Variants in TNNI3K observed in about 807,000 individuals in gnomAD.
TNNI3K encodes the protein TNNI3 interacting kinase.
In TNNI3K, 140 loss-of-function variants were observed where a neutral mutation model predicts 114.5. The observed-to-expected ratio is 1.22, with a 90% CI of 1.07 to 1.41. The LOEUF (loss-of-function observed/expected upper bound fraction) is 1.41. Ranked by LOEUF, TNNI3K falls within the 40% of genes most tolerant of loss-of-function variation. The pLI, the probability that TNNI3K is intolerant of heterozygous loss-of-function variation, is 0.00. For synonymous variants in TNNI3K, 347 were observed against 347.5 expected (o/e 1.00, Z 0.02); for missense variants, 1,125 against 1,007.6 (o/e 1.12, Z -1.58).
intron 23 of TNNI3K, among the ~76,000 whole-genome samples, chr1:74,509,419 T>G (rs1399416452): frequency 5.9e-5 from 9 of 152,192 alleles, no homozygotes; most frequent in Admixed American, 5.9e-4. Context: ...TACATAACAA[T>G]AGAAAAGATT....
chr1:74,536,121 C>G (rs1223859038), intron 23 of TNNI3K, among the ~76,000 whole-genome samples: 1 of 152,122 alleles, frequency 6.6e-6, no homozygotes, highest in Non-Finnish European at 1.5e-5. Context: ...AGTTTGTAGG[C>G]TGTCTTACTC....
intron 23 of TNNI3K, among the ~76,000 whole-genome samples, chr1:74,503,524 A>G (rs185289312): frequency 5.3e-5 from 8 of 152,118 alleles, no homozygotes; most frequent in Non-Finnish European, 7.3e-5. Context: ...AGTTCTATGG[A>G]TCTTGTATGT....
At chr1:74,426,109 G>A (rs1665628236) in intron 17 of TNNI3K, among the ~76,000 whole-genome samples, 1 of 152,106 alleles carries the variant, frequency 6.6e-6, no homozygotes, top group Non-Finnish European at 1.5e-5. Context: ...CAGAGACATG[G>A]GCATTTAGTT....
intron 5 of TNNI3K, among the ~76,000 whole-genome samples, chr1:74,275,699 G>C (rs1656641665): frequency 6.6e-6 from 1 of 152,104 alleles, no homozygotes; most frequent in Non-Finnish European, 1.5e-5. Context: ...ATTGTGAAGA[G>C]TCCCTCTAGG....
At chr1:74,488,409 C>G (rs1216891190) in intron 21 of TNNI3K, among the ~76,000 whole-genome samples, 1 of 152,070 alleles carries the variant, frequency 6.6e-6, no homozygotes, top group East Asian at 1.9e-4. Flanking sequence ...GGTTACTGAA[C>G]CTGAATGTTA....
chr1:74,403,157 A>T (rs947435867), intron 17 of TNNI3K, among the ~76,000 whole-genome samples: 4 of 152,198 alleles, frequency 2.6e-5, no homozygotes, highest in Non-Finnish European at 5.9e-5. Context: ...TCCAAAGAGA[A>T]AAAGTGACCC....
rs142099043 is a variant in TNNI3K, at chr1:74,529,617, T to C, written c.2352-10617T>C. Among the ~76,000 whole-genome samples, 409 of 152,360 alleles carry C rather than the reference T, an allele frequency of 2.7e-3. 4 individuals are homozygous for C. Among genetic ancestry groups the C allele is most frequent in the African/African-American group, 9.5e-3 (397 of 41,582 alleles). Reference sequence around the variant, plus strand: ...GAATCAAATGATTGTATTTTGGTTATGTAGGAGGATGTCTTTATTTTGGAA... The same window carrying C: ...GAATCAAATGATTGTATTTTGGTTACGTAGGAGGATGTCTTTATTTTGGAA... On this transcript the variant is annotated intron_variant, in intron 23 of 24. Coordinates refer to ENST00000326637, the MANE Select transcript of TNNI3K (RefSeq NM_015978.3).
At chr1:74,435,144 G>A (rs1221527778) in intron 17 of TNNI3K, among the ~76,000 whole-genome samples, 2 of 151,974 alleles carry the variant, frequency 1.3e-5, no homozygotes, top group Non-Finnish European at 2.9e-5. Flanking sequence ...ATGGTAAGAA[G>A]CATTCAAAGA....
chr1:74,428,890 A>G (rs1012280766), intron 17 of TNNI3K, among the ~76,000 whole-genome samples: 1 of 152,218 alleles, frequency 6.6e-6, no homozygotes, highest in East Asian at 1.9e-4. Context: ...AGCTATGATC[A>G]CACCACTGCA....
At chr1:74,302,025 C>G (rs188672790) in intron 5 of TNNI3K, among the ~76,000 whole-genome samples, 24 of 152,294 alleles carry the variant, frequency 1.6e-4, no homozygotes, top group Non-Finnish European at 2.8e-4. Flanking sequence ...ACAGATGTTG[C>G]ATTTTTATAA....
chr1:74,482,114 C>T (rs1036537679), intron 21 of TNNI3K, among the ~76,000 whole-genome samples: 3 of 152,148 alleles, frequency 2.0e-5, no homozygotes, highest in African/African-American at 7.2e-5. Context: ...TTGTTTCTCT[C>T]ATCATTGTTT....
At chr1:74,409,023 G>C (rs1168279097) in intron 17 of TNNI3K, among the ~76,000 whole-genome samples, 1 of 151,194 alleles carries the variant, frequency 6.6e-6, no homozygotes, top group East Asian at 1.9e-4. Flanking sequence ...CTTCTTAAAG[G>C]TACCAGAATT....
At chr1:74,291,807 C>A (rs1254385174) in intron 5 of TNNI3K, among the ~76,000 whole-genome samples, 1 of 151,534 alleles carries the variant, frequency 6.6e-6, no homozygotes, top group South Asian at 2.1e-4. Flanking sequence ...AGTGCTTTAC[C>A]TACCTAATAT....
intron 23 of TNNI3K, among the ~76,000 whole-genome samples, chr1:74,506,956 T>C (rs962556340): frequency 6.6e-6 from 1 of 152,184 alleles, no homozygotes; most frequent in Admixed American, 6.5e-5. Context: ...AATAAGTTTC[T>C]TGAGGGGGAG....
At chr1:74,381,180 G>C (rs1419490253) in intron 17 of TNNI3K, among the ~76,000 whole-genome samples, 4 of 152,048 alleles carry the variant, frequency 2.6e-5, no homozygotes, top group Non-Finnish European at 5.9e-5. Context: ...GTGTTGATGT[G>C]GGCTATCACC....
intron 5 of TNNI3K, among the ~76,000 whole-genome samples, chr1:74,287,505 A>G (rs1048345274): frequency 6.6e-5 from 10 of 152,174 alleles, no homozygotes; most frequent in Admixed American, 6.5e-4. Context: ...AAGAATATTT[A>G]TTCAACAAAG....
intron 17 of TNNI3K, among the ~76,000 whole-genome samples, chr1:74,411,716 A>G (rs1053514146): frequency 1.3e-5 from 2 of 152,232 alleles, no homozygotes; most frequent in African/African-American, 4.8e-5. Flanking sequence ...GAAACAAATA[A>G]TAATTCACAA....
At chr1:74,538,293 T>C (rs1437747953) in intron 23 of TNNI3K, among the ~76,000 whole-genome samples, 2 of 152,140 alleles carry the variant, frequency 1.3e-5, no homozygotes, top group East Asian at 3.8e-4. Context: ...CTTGGGGAAT[T>C]GCAGGGGAAT....
At chr1:74,353,471 G>T (rs879651710) in intron 10 of TNNI3K, 111 bp downstream of exon 10, 19 of 1,145,718 alleles carry the variant, frequency 1.7e-5, no homozygotes, top group Non-Finnish European at 2.1e-5. Flanking sequence ...AGTGGGAAAG[G>T]GTATTTTATC....
Sources: allele counts gnomAD v4.1 joint callset (sites outside exome capture counted in the v4.1 genomes callset), GRCh38; gene constraint gnomAD v4.1.1; transcripts MANE v1.5; gene names NCBI Gene and HGNC (gene_info 2026-07-23, HGNC 2026-07-21).